The following HAUS8 variants were observed in gnomAD, a reference collection of about 807,000 sequenced individuals.
The protein encoded by HAUS8 is HAUS augmin-like complex subunit 8.
In HAUS8, 38 loss-of-function variants were observed where a neutral mutation model predicts 42.9. That is an observed-to-expected ratio of 0.89 (90% confidence interval 0.68 to 1.16). The LOEUF is 1.16. Ranked by LOEUF, HAUS8 falls within the 50% of genes most tolerant of loss-of-function variation. The pLI is 0.00. For missense variants in HAUS8, 494 were observed against 511.6 expected (o/e 0.97, Z 0.33); for synonymous variants, 199 against 205.8 (o/e 0.97, Z 0.28).
At chr19:17,067,939 C>A (rs1024731111) in intron 3 of HAUS8, among the ~76,000 whole-genome samples, 2 of 152,104 alleles carry the variant, frequency 1.3e-5, no homozygotes, top group East Asian at 1.9e-4. Flanking sequence ...CACGTTCTCA[C>A]GTGGTTAAAT....
chr19:17,065,437 G>C (rs986989937), intron 3 of HAUS8, among the ~76,000 whole-genome samples: 3 of 152,214 alleles, frequency 2.0e-5, no homozygotes, highest in African/African-American at 4.8e-5. Flanking sequence ...AATCTGAACA[G>C]ACAGGACTTG....
At chr19:17,062,596 G>A in intron 4 of HAUS8, 102 bp downstream of exon 4, 1 of 872,350 alleles carries the variant, frequency 1.1e-6, no homozygotes, top group Non-Finnish European at 1.9e-6. Flanking sequence ...CACTGCTTCT[G>A]ACCCTTCCCA....
At position 17,049,914 on chromosome 19, in the gene HAUS8, C is replaced by A. The variant is rs763553297; in HGVS notation, c.1192G>T (p.Val398Phe). ...EDFSSSSQAEVPPSLSRSGRD... is the reference protein window; with the variant it reads ...EDFSSSSQAEFPPSLSRSGRD... Reference sequence around the variant, plus strand: ...CCTGAACGAGAGAGAGAGGGCGGGACTTCTGCCTGGCTGCTTGAAGAAAAA... The same window carrying A: ...CCTGAACGAGAGAGAGAGGGCGGGAATTCTGCCTGGCTGCTTGAAGAAAAA... Residue 398 changes from valine (V) to phenylalanine (F), a missense_variant, in exon 11 of 11, where the codon GTC becomes TTC. Physicochemically the swap from Val to Phe is conservative, Grantham distance 50. Coordinates refer to ENST00000253669, the MANE Select transcript of HAUS8 (RefSeq NM_033417.2). The A allele has an allele frequency of 2.6e-6, 4 of 1,530,938 alleles. No homozygotes were observed. Among genetic ancestry groups the A allele is most frequent in the Middle Eastern group, 1.8e-4 (1 of 5,696 alleles). The allele number at this position is 1,530,938 out of a possible 1,614,324, so 94.8% of individuals were successfully genotyped here.
chr19:17,062,060 T>C (rs78134142), intron 4 of HAUS8, among the ~76,000 whole-genome samples: 4,081 of 152,350 alleles, frequency 0.027, 110 homozygotes, highest in African/African-American at 0.063. Flanking sequence ...CACACAGCTA[T>C]ACCTGTTCCT....
At chr19:17,063,133 A>G (rs776007428) in intron 3 of HAUS8, among the ~76,000 whole-genome samples, 1 of 152,224 alleles carries the variant, frequency 6.6e-6, no homozygotes, top group African/African-American at 2.4e-5. Flanking sequence ...ATATGTTGTC[A>G]AAAAATATTT....
Position 17,049,951 on chromosome 19 carries a change from G to A in HAUS8, c.1155C>T (p.Ser385=). The A allele has an allele frequency of 1.3e-6, 2 of 1,567,556 alleles. No homozygotes were observed. Among genetic ancestry groups the A allele is most frequent in the Non-Finnish European group, 1.7e-6 (2 of 1,156,142 alleles). ...SSAPAQATFI[S]PSEDFSSSSQ... ...TGCTTGAAGAAAAATCTTCGCTTGG[G>A]CTGATGAACGTGGCCTGAGCGGGGG... Residue 385 remains serine (S), a synonymous_variant, in exon 11 of 11, where the codon AGC becomes AGT. Transcript: ENST00000253669.
At chr19:17,075,090 G>C in intron 1 of HAUS8, 1 of 476,110 alleles carries the variant, frequency 2.1e-6, no homozygotes, top group Non-Finnish European at 3.8e-6. Flanking sequence ...CGACGCCTAC[G>C]AGGTTGAGCT....
intron 2 of HAUS8, among the ~76,000 whole-genome samples, chr19:17,070,515 C>T (rs60536900): frequency 0.09 from 13,700 of 152,246 alleles, 2,030 homozygotes; most frequent in African/African-American, 0.31. Flanking sequence ...CGCTCTGCCG[C>T]GTGGACCCCC....
chr19:17,053,032 G>A (rs2057297740), intron 9 of HAUS8, 66 bp from the exon 10 acceptor site: 1 of 1,594,404 alleles, frequency 6.3e-7, no homozygotes, highest in Non-Finnish European at 8.6e-7. Context: ...CACACAAGTG[G>A]AGCGGCCGAC....
chr19:17,070,967 G>A (rs2057418227), intron 2 of HAUS8, among the ~76,000 whole-genome samples: 2 of 152,004 alleles, frequency 1.3e-5, no homozygotes, highest in Non-Finnish European at 2.9e-5. Context: ...CTACTTGGGA[G>A]ACTGAGGCAG....
At chr19:17,068,879 AG>A (rs1391672376) in intron 3 of HAUS8, 151 bp downstream of exon 3, 1 of 690,574 alleles carries the variant, frequency 1.4e-6, no homozygotes, top group Non-Finnish European at 2.7e-6. Flanking sequence ...GGCAGCATGA[AG>A]GGCTGATGGT....
At chr19:17,068,134 G>C (rs1425496146) in intron 3 of HAUS8, among the ~76,000 whole-genome samples, 2 of 135,516 alleles carry the variant, frequency 1.5e-5, no homozygotes, top group African/African-American at 2.8e-5. Context: ...GAAGACACGG[G>C]TCAGGGTCTC....
chr19:17,061,503 T>C (rs925840700), intron 4 of HAUS8, among the ~76,000 whole-genome samples: 1 of 152,164 alleles, frequency 6.6e-6, no homozygotes, highest in African/African-American at 2.4e-5. Context: ...ATGTATAGCA[T>C]TTGCACTAAA....
At chr19:17,050,629 C>T (rs1343906595) in intron 10 of HAUS8, among the ~76,000 whole-genome samples, 1 of 152,162 alleles carries the variant, frequency 6.6e-6, no homozygotes, top group Non-Finnish European at 1.5e-5. Context: ...GGCGCTGTGG[C>T]TCACACCTGT....
rs774018820 is a variant in HAUS8 at position 17,075,400 on chromosome 19, C to A, written c.23G>T (p.Gly8Val). The A allele has an allele frequency of 1.2e-5, 20 of 1,613,852 alleles. No individual in the cohort carries two copies. Among genetic ancestry groups the A allele is most frequent in the South Asian group, 2.2e-5 (2 of 91,090 alleles). The change falls in exon 1 of 11, where the codon GGC (glycine) becomes GTC (valine). Residue 8 changes from glycine to valine, a missense_variant. Coordinates refer to ENST00000253669, the MANE Select transcript of HAUS8 (RefSeq NM_033417.2). MADSSGR[G>V]AGKPATGPTN... ...TGCGGAAGCCCCAACTCACCCAGCG[C>A]CTCGCCCCGAGGAATCCGCCATTTT...
chr19:17,060,769 T>C (rs183615865), intron 4 of HAUS8, among the ~76,000 whole-genome samples: 5 of 152,320 alleles, frequency 3.3e-5, no homozygotes, highest in Non-Finnish European at 7.3e-5. Flanking sequence ...GGGAGTTCCC[T>C]TCATCTTTTA....
intron 3 of HAUS8, among the ~76,000 whole-genome samples, chr19:17,065,051 T>C (rs2057379768): frequency 6.6e-6 from 1 of 152,042 alleles, no homozygotes; most frequent in Non-Finnish European, 1.5e-5. Flanking sequence ...AACAGACACA[T>C]CCGCAAAGAT....
At position 17,049,808 on chromosome 19, in the gene HAUS8, T is replaced by TA; in HGVS notation, c.*64dup. ...TTTTTTATCAAACAAGATTATCACA[T>TA]AAAAAATAGCTACAGTGCTACGGTA... is the stretch of plus-strand genomic sequence containing the variant. On this transcript the variant is annotated 3_prime_UTR_variant, in exon 11 of 11. Coordinates refer to ENST00000253669, the MANE Select transcript of HAUS8 (RefSeq NM_033417.2). 7 of 1,235,020 alleles carry TA rather than the reference T, an allele frequency of 5.7e-6. No individual in the cohort carries two copies. The highest frequency in any genetic ancestry group is 2.1e-4 in the Middle Eastern group (1 of 4,756). The allele number at this position is 1,235,020 out of a possible 1,614,324, so 76.5% of individuals were successfully genotyped here. A position where few individuals can be genotyped will look rare whatever the true frequency, so the allele number is the denominator to read the frequency against.
intron 1 of HAUS8, chr19:17,075,100 TGCGTCATCG>T: frequency 2.0e-6 from 1 of 504,946 alleles, no homozygotes; most frequent in Admixed American, 3.2e-5. Flanking sequence ...GAGGTTGAGC[TGCGTCATCG>T]GCCCCATTTC....
Sources: allele counts gnomAD v4.1 joint callset (sites outside exome capture counted in the v4.1 genomes callset), GRCh38; gene constraint gnomAD v4.1.1; transcripts MANE v1.5; gene names NCBI Gene and HGNC (gene_info 2026-07-23, HGNC 2026-07-21).